The following DZIP1L variants were observed in gnomAD, a reference collection of about 807,000 sequenced individuals.
DZIP1L encodes cilium assembly protein DZIP1L.
DZIP1L carries 90 observed loss-of-function variants against 88.7 expected under a neutral mutation model. That is an observed-to-expected ratio of 1.02 (90% CI 0.86 to 1.21). The LOEUF is 1.21. Ranked by LOEUF, DZIP1L falls within the 50% of genes most tolerant of loss-of-function variation. The pLI, the probability that DZIP1L is intolerant of heterozygous loss-of-function variation, is 0.00. For synonymous variants in DZIP1L, 363 were observed against 372.1 expected, an observed-to-expected ratio of 0.98 and a Z score of 0.28; for missense variants, 932 against 955.8, an observed-to-expected ratio of 0.98 and a Z score of 0.33.
intron 11 of DZIP1L, among the ~76,000 whole-genome samples, chr3:138,073,782 A>G (rs1943281469): frequency 6.6e-6 from 1 of 152,204 alleles, no homozygotes; most frequent in Non-Finnish European, 1.5e-5. Flanking sequence ...GGACCAAAGA[A>G]AGGTGAAGCC....
chr3:138,092,676 C>A, intron 4 of DZIP1L, 132 bp from the exon 5 acceptor site: 1 of 898,424 alleles, frequency 1.1e-6, no homozygotes. Flanking sequence ...CCACAGTTCC[C>A]ATTGTTTGGA....
chr3:138,092,290 A>G (rs985729789), intron 5 of DZIP1L, 93 bp downstream of exon 5: 5 of 1,349,318 alleles, frequency 3.7e-6, no homozygotes, highest in Non-Finnish European at 4.9e-6. Context: ...AGCTTCCAAC[A>G]GCAGATGAAA....
intron 7 of DZIP1L, among the ~76,000 whole-genome samples, chr3:138,085,039 T>C (rs1205664917): frequency 6.6e-6 from 1 of 152,248 alleles, no homozygotes; most frequent in East Asian, 1.9e-4. Context: ...ACTGTAGCCT[T>C]GTAGTATAGT....
rs986498062 is a variant in DZIP1L at position 138,063,407 on chromosome 3, G to C, written c.2143-430C>G. On this transcript the variant is annotated intron_variant, in intron 15 of 15. Coordinates refer to ENST00000327532, the MANE Select transcript of DZIP1L (RefSeq NM_173543.3). This position sits in a 1 kb window ranked among gnomAD's most constrained non-coding sequence, Gnocchi z 4.1. ...TCTCAGACAGGTTCCCTCAGGTCTG[G>C]TAAACATCCTGACTGAAGGAGCATG... is the stretch of plus-strand genomic sequence containing the variant. 1.3e-5 allele frequency among the ~76,000 whole-genome samples: 2 copies of C among 152,208 alleles called. No homozygotes were observed. Among genetic ancestry groups the C allele is most frequent in the African/African-American group, 4.8e-5 (2 of 41,452 alleles).
chr3:138,103,624 CTGCAGCCG>C lies in DZIP1L; in HGVS notation c.340_347del (p.Arg114AspfsTer18). On this transcript the variant is annotated frameshift_variant, in exon 2 of 16. Transcript: ENST00000327532. LOFTEE classifies it high-confidence loss of function. ...CACGCTGCTGCTGGCCCAGGCTGGT[CTGCAGCCG>C]TGCCTCCAGCTGGGCAACACTGGCA... is the stretch of plus-strand genomic sequence containing the variant. 1 of 1,606,342 alleles carries C rather than the reference CTGCAGCCG, an allele frequency of 6.2e-7. No homozygotes were observed. Among genetic ancestry groups the C allele is most frequent in the Non-Finnish European group, 8.5e-7 (1 of 1,179,030 alleles).
chr3:138,110,962 G>T (rs747999891), intron 1 of DZIP1L, among the ~76,000 whole-genome samples: 1 of 152,218 alleles, frequency 6.6e-6, no homozygotes, highest in Non-Finnish European at 1.5e-5. Flanking sequence ...AAAATACACA[G>T]AAATTAACCC....
At chr3:138,081,861 G>T in intron 8 of DZIP1L, 97 bp from the exon 9 acceptor site, 1 of 1,304,538 alleles carries the variant, frequency 7.7e-7, no homozygotes, top group Non-Finnish European at 1.1e-6. Flanking sequence ...AGGAAGGGAT[G>T]GCTACAGATT....
At chr3:138,106,856 G>A (rs1287487464) in intron 1 of DZIP1L, among the ~76,000 whole-genome samples, 4 of 88,586 alleles carry the variant, frequency 4.5e-5, no homozygotes, top group African/African-American at 9.8e-5. Context: ...GGACTAGGTT[G>A]GCCAAAAAAA....
chr3:138,087,011 T>C lies in DZIP1L; in HGVS notation c.1012A>G (p.Lys338Glu). 1 of 1,614,140 alleles carries C rather than the reference T, an allele frequency of 6.2e-7. No homozygotes were observed. The highest frequency in any genetic ancestry group is 2.2e-5 in the East Asian group (1 of 44,882). Residue 338 changes from lysine (K) to glutamate (E), a missense_variant, in exon 7 of 16, where the codon AAA becomes GAA. Transcript: ENST00000327532. ...TCATGCAGTTCCTTCACTTTTCTTT[T>C]CCACTCCGTTTTCTGAAAAAGATTA... The part of the protein sequence containing the change: ...EKTEIQKTEW[K>E]RKVKELHEEH...
At chr3:138,113,492 C>T (rs1407169763) in intron 1 of DZIP1L, 1 of 152,192 alleles carries the variant, frequency 6.6e-6, no homozygotes, top group Non-Finnish European at 1.5e-5. Flanking sequence ...CCCTGGCTCC[C>T]AAGCTAACTT....
chr3:138,089,939 A>C (rs1248871213), intron 5 of DZIP1L, among the ~76,000 whole-genome samples: 1 of 152,010 alleles, frequency 6.6e-6, no homozygotes, highest in Non-Finnish European at 1.5e-5. Context: ...ACTTGAGCCC[A>C]GGAGGCCAGC....
intron 3 of DZIP1L, 29 bp from the exon 4 acceptor site, chr3:138,095,012 C>G (rs780824202): frequency 1.9e-6 from 3 of 1,613,778 alleles, no homozygotes; most frequent in Non-Finnish European, 2.5e-6. Context: ...GACAGGTGAC[C>G]AGTTTAAGTC....
intron 1 of DZIP1L, among the ~76,000 whole-genome samples, chr3:138,114,905 A>C (rs911077547): frequency 2.0e-5 from 3 of 152,192 alleles, no homozygotes; most frequent in African/African-American, 7.2e-5. Flanking sequence ...GATTGCTTTT[A>C]AATCACCTCA....
chr3:138,106,864 A>G, intron 1 of DZIP1L, among the ~76,000 whole-genome samples: 1 of 90,428 alleles, frequency 1.1e-5, no homozygotes, highest in South Asian at 3.7e-4. Context: ...TTGGCCAAAA[A>G]AAAAAGAGAG....
At position 138,065,633 on chromosome 3, in the gene DZIP1L, G is replaced by T. The variant is rs760159280; in HGVS notation, c.2003-866C>A. The stretch of plus-strand genomic sequence containing the variant: ...ACTTCTCCAAAGATCTGTTTCTGGT[G>T]AATTCTGATGGACTGGCAGGCTTGG... On this transcript the variant is annotated intron_variant, in intron 14 of 15. Coordinates refer to ENST00000327532, the MANE Select transcript of DZIP1L (RefSeq NM_173543.3). Among the ~76,000 whole-genome samples the T allele has an allele frequency of 7.2e-5, 11 of 152,342 alleles. No individual in the cohort carries two copies. The Middle Eastern group carries it at 0.01, about 141-fold the overall frequency.
chr3:138,102,865 T>TG, intron 2 of DZIP1L: 1 of 675,232 alleles, frequency 1.5e-6, no homozygotes, highest in Non-Finnish European at 2.7e-6. Flanking sequence ...GCTGAAGACC[T>TG]GGGGGCCAGA....
At position 138,062,992 on chromosome 3, in the gene DZIP1L, G is replaced by A. The variant is rs1328390910; in HGVS notation, c.2143-15C>T. On this transcript the variant is annotated splice_polypyrimidine_tract_variant and intron_variant, in intron 15 of 15. Transcript: ENST00000327532. ...TCTTCAGAAAGCTGCAGGGGGTAAA[G>A]GGGAGAAGAAAATGCATTTTGATAA... 2 of 1,612,836 alleles carry A rather than the reference G, an allele frequency of 1.2e-6. No homozygotes were observed. The highest frequency in any genetic ancestry group is 1.7e-6 in the Non-Finnish European group (2 of 1,179,558).
At position 138,115,421 on chromosome 3, in the gene DZIP1L, C is replaced by CGGA. The variant is rs1297037290; in HGVS notation, c.-176_-175insTCC. 12 of 152,294 alleles carry CGGA rather than the reference C, an allele frequency of 7.9e-5. No individual in the cohort carries two copies. The highest frequency in any genetic ancestry group is 1.3e-4 in the Non-Finnish European group (9 of 68,108). The allele number at this position is 152,294 out of a possible 1,614,324, so 9.4% of individuals were successfully genotyped here. ...CGTCCCGCCTCCAGACTTGCTCCAC[C>CGGA]GCCCCAGACAGCCCAGAGATGGTTC... On this transcript the variant is annotated 5_prime_UTR_variant, in exon 1 of 16. Transcript: ENST00000327532.
chr3:138,072,770 A>G (rs2107748045), intron 11 of DZIP1L, among the ~76,000 whole-genome samples: 1 of 152,256 alleles, frequency 6.6e-6, no homozygotes, highest in South Asian at 2.1e-4. Flanking sequence ...GTCTGGGGCA[A>G]GTTCCCAGCC....
Sources: allele counts gnomAD v4.1 joint callset (sites outside exome capture counted in the v4.1 genomes callset), GRCh38; gene constraint gnomAD v4.1.1; non-coding constraint Gnocchi (gnomAD v3.1); transcripts MANE v1.5; gene names NCBI Gene and HGNC (gene_info 2026-07-23, HGNC 2026-07-21).